UBE2D2: variants seen among roughly 807,000 people sequenced by gnomAD.
The protein encoded by UBE2D2 is ubiquitin-conjugating enzyme E2 D2.
UBE2D2 carries 2 observed loss-of-function variants against 24.2 expected under a neutral mutation model. That is an observed-to-expected ratio of 0.08 (90% CI 0.03 to 0.26). The LOEUF (loss-of-function observed/expected upper bound fraction) is 0.26. Among genes scored for constraint, UBE2D2 ranks in the 10% least tolerant of loss-of-function variants. The pLI is 1.00. For missense variants in UBE2D2, 44 were observed against 177.6 expected (o/e 0.25, Z 4.28); for synonymous variants, 58 against 56.5 (o/e 1.03, Z -0.12).
chr5:139,568,329 G>A (rs914109859), intron 1 of UBE2D2, among the ~76,000 whole-genome samples: 4 of 150,052 alleles, frequency 2.7e-5, no homozygotes, highest in East Asian at 4.0e-4. Flanking sequence ...TTGCAACAGC[G>A]AGACTCCATC....
intron 2 of UBE2D2, among the ~76,000 whole-genome samples, chr5:139,601,827 T>A (rs1754085069): frequency 6.7e-6 from 1 of 149,730 alleles, no homozygotes; most frequent in East Asian, 2.0e-4. Flanking sequence ...AGACAACTGC[T>A]TGAATCCAGG....
intron 1 of UBE2D2, among the ~76,000 whole-genome samples, chr5:139,577,277 AT>A (rs1195521235): frequency 6.6e-6 from 1 of 152,074 alleles, no homozygotes; most frequent in Non-Finnish European, 1.5e-5. Context: ...TACATATTGT[AT>A]TTCAAAACAT....
intron 1 of UBE2D2, among the ~76,000 whole-genome samples, chr5:139,589,134 C>T (rs1753791163): frequency 6.6e-6 from 1 of 152,118 alleles, no homozygotes; most frequent in Non-Finnish European, 1.5e-5. Flanking sequence ...TGGTTTGCAC[C>T]TGTAATCCCA....
At chr5:139,600,827 G>A (rs1754056891) in intron 2 of UBE2D2, among the ~76,000 whole-genome samples, 1 of 152,100 alleles carries the variant, frequency 6.6e-6, no homozygotes, top group African/African-American at 2.4e-5. Context: ...TTGAGACAGG[G>A]TCTCGCTCTG....
At chr5:139,619,380 AG>A (rs1192046732) in intron 5 of UBE2D2, among the ~76,000 whole-genome samples, 1 of 146,978 alleles carries the variant, frequency 6.8e-6, no homozygotes, top group Non-Finnish European at 1.5e-5. Context: ...TGGGCAACAG[AG>A]CAAGAGTCTG....
intron 5 of UBE2D2, among the ~76,000 whole-genome samples, chr5:139,619,395 CAAAAA>C (rs372029230): frequency 1.0e-3 from 113 of 109,382 alleles, no homozygotes; most frequent in African/African-American, 3.7e-3. Context: ...GAGTCTGTCT[CAAAAA>C]AAAAAAAAAA....
chr5:139,562,209 C>T (rs1304320308), intron 1 of UBE2D2: 14 of 1,382,506 alleles, frequency 1.0e-5, no homozygotes, highest in Non-Finnish European at 1.3e-5. Flanking sequence ...GGCTTCTCGC[C>T]CCATTTCTGT....
At chr5:139,610,662 T>C (rs538279213) in intron 2 of UBE2D2, among the ~76,000 whole-genome samples, 32 of 151,212 alleles carry the variant, frequency 2.1e-4, no homozygotes, top group South Asian at 6.3e-4. Context: ...TGCTTGAGCA[T>C]AGGAGTTCGA....
intron 1 of UBE2D2, among the ~76,000 whole-genome samples, chr5:139,555,888 T>TG (rs1159176791): frequency 8.4e-6 from 1 of 118,806 alleles, no homozygotes; most frequent in Non-Finnish European, 1.6e-5. Context: ...ATCACGCCAC[T>TG]GCACTCCAGC....
At chr5:139,601,022 C>T (rs1754061935) in intron 2 of UBE2D2, among the ~76,000 whole-genome samples, 1 of 152,178 alleles carries the variant, frequency 6.6e-6, no homozygotes, top group Non-Finnish European at 1.5e-5. Flanking sequence ...AGGCTGGTCT[C>T]AAACTCCTGG....
intron 2 of UBE2D2, among the ~76,000 whole-genome samples, chr5:139,610,550 T>C (rs1239249748): frequency 6.8e-6 from 1 of 147,780 alleles, no homozygotes; most frequent in Non-Finnish European, 1.5e-5. Context: ...AAAAAAAAAA[T>C]ATATTTTTTT....
intron 6 of UBE2D2, among the ~76,000 whole-genome samples, chr5:139,626,000 A>T (rs1235878495): frequency 6.6e-6 from 1 of 152,170 alleles, no homozygotes; most frequent in Non-Finnish European, 1.5e-5. Flanking sequence ...TCATTTTGTC[A>T]ACCAAATTGT....
rs957525658 is a variant in UBE2D2, at chr5:139,600,431, T to G, written c.84T>G (p.Asp28Glu). ...PAQCSAGPVG[D>E]DMFHWQATIM... Reference sequence around the variant, plus strand: ...AGTGTTCAGCAGGTCCTGTTGGAGATGATAGTAAGTATTTAAAAGGAATAA... The same window carrying G: ...AGTGTTCAGCAGGTCCTGTTGGAGAGGATAGTAAGTATTTAAAAGGAATAA... Residue 28 changes from aspartate (D) to glutamate (E), a missense_variant, in exon 2 of 7, where the codon GAT (aspartate) becomes GAG (glutamate). Physicochemically the swap from Asp to Glu is conservative, Grantham distance 45. Coordinates refer to ENST00000398733, the MANE Select transcript of UBE2D2 (RefSeq NM_003339.3). 3 of 1,614,084 alleles carry G rather than the reference T, an allele frequency of 1.9e-6. No homozygotes were observed. The highest frequency in any genetic ancestry group is 2.5e-6 in the Non-Finnish European group (3 of 1,179,982).
intron 6 of UBE2D2, among the ~76,000 whole-genome samples, chr5:139,624,647 A>C (rs180747757): frequency 1.3e-5 from 2 of 152,374 alleles, no homozygotes; most frequent in East Asian, 3.9e-4. Context: ...TTAGCCGGGC[A>C]TGGTGGCGGG....
upstream of UBE2D2, among the ~76,000 whole-genome samples, chr5:139,560,904 G>A (rs1408212314): frequency 6.6e-6 from 1 of 152,166 alleles, no homozygotes; most frequent in Non-Finnish European, 1.5e-5. Context: ...TCTGGAAAGA[G>A]ATGTGCTAAG....
At chr5:139,529,453 G>A (rs922557378) in intron 1 of UBE2D2, among the ~76,000 whole-genome samples, 3 of 152,172 alleles carry the variant, frequency 2.0e-5, no homozygotes, top group African/African-American at 4.8e-5. Context: ...CAGAAAATAA[G>A]TACATCTGTC....
chr5:139,569,891 CTG>C (rs1358308968), intron 1 of UBE2D2, among the ~76,000 whole-genome samples: 1 of 152,154 alleles, frequency 6.6e-6, no homozygotes, highest in Non-Finnish European at 1.5e-5. Flanking sequence ...GATATTTAAA[CTG>C]TGTCCTGGAA....
intron 1 of UBE2D2, among the ~76,000 whole-genome samples, chr5:139,526,974 T>C (rs919271179): frequency 1.3e-5 from 2 of 152,082 alleles, no homozygotes; most frequent in East Asian, 3.8e-4. Context: ...TTGTGGTGAG[T>C]ATGTGTGGTG....
chr5:139,546,820 TCCTTC>T (rs754281441), intron 1 of UBE2D2, among the ~76,000 whole-genome samples: 5 of 2,414 alleles, frequency 2.1e-3, no homozygotes, highest in Non-Finnish European at 4.9e-3. Flanking sequence ...CTTTCTTTCT[TCCTTC>T]CTTCCTTCCT....
Sources: allele counts gnomAD v4.1 joint callset (sites outside exome capture counted in the v4.1 genomes callset), GRCh38; gene constraint gnomAD v4.1.1; transcripts MANE v1.5; gene names NCBI Gene and HGNC (gene_info 2026-07-23, HGNC 2026-07-21).